The following PLG variants were observed in gnomAD, a reference collection of about 807,000 sequenced individuals.
PLG encodes plasminogen, also known as plasmin.
PLG carries 41 observed loss-of-function variants against 104.4 expected under a neutral mutation model. The ratio of observed to expected loss-of-function variants is 0.39; its 90% CI spans 0.31 to 0.51. The LOEUF (loss-of-function observed/expected upper bound fraction) is 0.51, where lower values mean the gene tolerates loss of function less well. Among genes scored for constraint, PLG ranks in the 20% least tolerant of loss-of-function variants. The probability of loss-of-function intolerance (pLI) is 0.76; values close to 1 mark genes in which losing one functional copy is unlikely to be tolerated. For synonymous variants in PLG, 337 were observed against 357.1 expected (o/e 0.94, Z 0.63); for missense variants, 891 against 1,003.6 (o/e 0.89, Z 1.52).
At chr6:160,704,939 C>T (rs949908064) in intron 1 of PLG, among the ~76,000 whole-genome samples, 11 of 152,302 alleles carry the variant, frequency 7.2e-5, no homozygotes, top group South Asian at 4.1e-4. Context: ...CAAACCAATG[C>T]GCTCTGCAGT....
At chr6:160,720,410 C>CTTTTTTTTTTTTTTTTTTT (rs3057066) in intron 9 of PLG, among the ~76,000 whole-genome samples, 736 of 58,554 alleles carry the variant, frequency 0.013, 165 homozygotes, top group Non-Finnish European at 0.014. Flanking sequence ...CTTTTCTTTT[C>CTTTTTTTTTTTTTTTTTTT]TTTTTTTTTT....
chr6:160,741,187 T>C lies in PLG; in HGVS notation c.2019-124T>C, dbSNP rs1023436901. ...AAACTCTGTGTTCTACGTTGCTCTG[T>C]GTCAGTGAAGCAAGGCAGTGCCAGT... On this transcript the variant is annotated intron_variant, in intron 16 of 18. Coordinates refer to ENST00000308192, the MANE Select transcript of PLG (RefSeq NM_000301.5). The surrounding 1 kb of genome is among the most constrained non-coding windows in gnomAD (Gnocchi z 4.7). The C allele has an allele frequency of 9.5e-6, 7 of 733,554 alleles. No individual in the cohort carries two copies. Among genetic ancestry groups the C allele is most frequent in the Non-Finnish European group, 1.8e-5 (7 of 395,386 alleles). The allele number at this position is 733,554 out of a possible 1,614,324, so 45.4% of individuals were successfully genotyped here. A position where few individuals can be genotyped will look rare whatever the true frequency, so the allele number is the denominator to read the frequency against.
chr6:160,711,247 T>C (rs1451384701), intron 4 of PLG, 56 bp downstream of exon 4: 1 of 1,526,674 alleles, frequency 6.6e-7, no homozygotes, highest in Non-Finnish European at 9.0e-7. Flanking sequence ...TCCCTCTGTG[T>C]CTGTGAGGGA....
intron 6 of PLG, among the ~76,000 whole-genome samples, chr6:160,716,001 C>T (rs1777722497): frequency 6.6e-6 from 1 of 152,238 alleles, no homozygotes; most frequent in South Asian, 2.1e-4. Flanking sequence ...CAGCCCCATA[C>T]TGCATGGTGA....
chr6:160,731,360 G>A lies in PLG; in HGVS notation c.1438+128G>A, dbSNP rs4252127. On this transcript the variant is annotated intron_variant, in intron 11 of 18. Coordinates refer to ENST00000308192, the MANE Select transcript of PLG (RefSeq NM_000301.5). The surrounding 1 kb of genome is among the most constrained non-coding windows in gnomAD (Gnocchi z 5.1). ...AGTGTTTTTAGAGGGTCTGCCATGTGGAAGGAAGCCTCAGTGCACTCTCTC... is the reference window on the plus strand; with the variant it reads ...AGTGTTTTTAGAGGGTCTGCCATGTAGAAGGAAGCCTCAGTGCACTCTCTC... 1,948 of 874,468 alleles carry A rather than the reference G, an allele frequency of 2.2e-3. 28 individuals are homozygous for A. In the African/African-American group the frequency reaches 0.03, roughly 13 times the overall value. 54.2% of individuals were successfully genotyped at this position (874,468 alleles called of 1,614,324 possible). A position where few individuals can be genotyped will look rare whatever the true frequency, so the allele number is the denominator to read the frequency against.
chr6:160,751,485 C>CT (rs1188077101), intron 17 of PLG, among the ~76,000 whole-genome samples: 6 of 152,200 alleles, frequency 3.9e-5, no homozygotes, highest in African/African-American at 1.4e-4. Context: ...GATGACTATT[C>CT]TTTTTTATTG....
intron 1 of PLG, among the ~76,000 whole-genome samples, chr6:160,704,336 T>C (rs113313503): frequency 7.2e-5 from 11 of 152,358 alleles, no homozygotes; most frequent in African/African-American, 2.4e-4. Context: ...AGCGATGCGC[T>C]ATGAAGCATA....
At chr6:160,730,454 C>G (rs1371316996) in intron 10 of PLG, among the ~76,000 whole-genome samples, 1 of 152,214 alleles carries the variant, frequency 6.6e-6, no homozygotes, top group Non-Finnish European at 1.5e-5. Flanking sequence ...ACTTGACACA[C>G]CTGATACGGT....
Position 160,716,626 on chromosome 6 carries a change from A to G in PLG, c.669-19A>G. The G allele has an allele frequency of 1.4e-6, 2 of 1,382,002 alleles. No individual in the cohort carries two copies. Among genetic ancestry groups the G allele is most frequent in the Non-Finnish European group, 2.1e-6 (2 of 968,026 alleles). The allele number at this position is 1,382,002 out of a possible 1,614,324, so 85.6% of individuals were successfully genotyped here. On this transcript the variant is annotated intron_variant, in intron 6 of 18. Transcript: ENST00000308192. ...AATGTAAATGTTCAGTGCTACTAAA[A>G]TCTTTCTTGTCCATTCAGATTTCCA...
At position 160,738,879 on chromosome 6, in the gene PLG, G is replaced by A. The variant is rs1778136201; in HGVS notation, c.1878-189G>A. Among the ~76,000 whole-genome samples the A allele has an allele frequency of 6.6e-6, 1 of 152,086 alleles. No individual in the cohort carries two copies. Among genetic ancestry groups the A allele is most frequent in the South Asian group, 2.1e-4 (1 of 4,820 alleles). On this transcript the variant is annotated intron_variant, in intron 15 of 18. Transcript: ENST00000308192. This position sits in a 1 kb window ranked among gnomAD's most constrained non-coding sequence, Gnocchi z 6.8. ...ACTACCATAGGCTGTATCAGTCTCT[G>A]CCCAAACAGCCCAAGAACATTCCTT...
At chr6:160,742,874 A>G (rs1269747086) in intron 17 of PLG, among the ~76,000 whole-genome samples, 1 of 152,206 alleles carries the variant, frequency 6.6e-6, no homozygotes, top group Non-Finnish European at 1.5e-5. Context: ...ATGGCTAGCC[A>G]GTTACCCCAG....
chr6:160,748,373 AAAGAAAGAAAGAAAGAAAGAAAGAAAGG>A (rs1209502487), intron 17 of PLG, among the ~76,000 whole-genome samples: 14 of 42,884 alleles, frequency 3.3e-4, no homozygotes, highest in African/African-American at 4.8e-4. Context: ...AGAAAGAAAG[AAAGAAAGAAAGAAAGAAAGAAAGAAAGG>A]AAGAAAGAAA....
chr6:160,750,993 A>G (rs938472412), intron 17 of PLG, among the ~76,000 whole-genome samples: 7 of 150,552 alleles, frequency 4.6e-5, no homozygotes, highest in African/African-American at 1.7e-4. Flanking sequence ...CACTCTCCCT[A>G]ATTGTCAAAG....
In PLG at chr6:160,731,555, T is replaced by C. The variant is rs971906945; in HGVS notation, c.1439-190T>C. On this transcript the variant is annotated intron_variant, in intron 11 of 18. Coordinates refer to ENST00000308192, the MANE Select transcript of PLG (RefSeq NM_000301.5). This position sits in a 1 kb window ranked among gnomAD's most constrained non-coding sequence, Gnocchi z 5.1. ...TCATGCTGCCATATGTGTGATTCTTTCCAAGCCAGTAAGCATCTCCAGTAA... is the reference window on the plus strand; with the variant it reads ...TCATGCTGCCATATGTGTGATTCTTCCCAAGCCAGTAAGCATCTCCAGTAA... 2.0e-5 allele frequency among the ~76,000 whole-genome samples: 3 copies of C among 152,208 alleles called. No homozygotes were observed. Among genetic ancestry groups the C allele is most frequent in the African/African-American group, 7.2e-5 (3 of 41,450 alleles).
Position 160,720,959 on chromosome 6 carries a change from C to A in PLG, c.1097-1449C>A, listed in dbSNP as rs528364415. 9.9e-5 allele frequency among the ~76,000 whole-genome samples: 15 copies of A among 151,974 alleles called. No individual in the cohort carries two copies. The East Asian group carries it at 2.9e-3, about 29-fold the overall frequency. ...TGGATAAGTTCTGGTAACCTATTTC[C>A]AAGTTTATGGATTATTTTTTCAGTT... On this transcript the variant is annotated intron_variant, in intron 9 of 18. Transcript: ENST00000308192.
chr6:160,733,900 C>A, intron 12 of PLG, 95 bp from the exon 13 acceptor site: 10 of 632,114 alleles, frequency 1.6e-5, no homozygotes, highest in African/African-American at 3.6e-5. Context: ...TCCTTTATGT[C>A]TTCTAAGGAT....
chr6:160,739,025 G>A lies in PLG; in HGVS notation c.1878-43G>A, dbSNP rs776178384. ...TTCATGGCACAGAGGTTACCTGAAG[G>A]GGCTGGACCATATTTTCCTCTTGAC... On this transcript the variant is annotated intron_variant, in intron 15 of 18. Coordinates refer to ENST00000308192, the MANE Select transcript of PLG (RefSeq NM_000301.5). This position sits in a 1 kb window ranked among gnomAD's most constrained non-coding sequence, Gnocchi z 4.4. 1.2e-6 allele frequency: 2 copies of A among 1,612,708 alleles called. No homozygotes were observed. The highest frequency in any genetic ancestry group is 1.7e-6 in the Non-Finnish European group (2 of 1,178,892).
At chr6:160,727,700 G>A (rs1274239317) in intron 10 of PLG, among the ~76,000 whole-genome samples, 3 of 151,934 alleles carry the variant, frequency 2.0e-5, no homozygotes, top group African/African-American at 7.2e-5. Flanking sequence ...GTCAATAGAT[G>A]CAGAAGAAAA....
intron 5 of PLG, among the ~76,000 whole-genome samples, chr6:160,713,879 A>T (rs116421728): frequency 0.022 from 3,398 of 152,038 alleles, 139 homozygotes; most frequent in African/African-American, 0.076. Flanking sequence ...AAAAAATTTT[A>T]AAAAAATCCT....
Sources: gnomAD v4.1 joint callset for allele counts (sites outside exome capture counted in the v4.1 genomes callset) on GRCh38, gnomAD v4.1.1 for gene constraint, Gnocchi (gnomAD v3.1) non-coding constraint, MANE v1.5 for transcripts, NCBI Gene and HGNC (gene_info 2026-07-23, HGNC 2026-07-21) for gene names.